The following ARSB variants were observed in gnomAD, a reference collection of about 807,000 sequenced individuals.
The protein encoded by ARSB is arylsulfatase B, also known as N-acetylgalactosamine-4-sulfatase.
Under a neutral mutation model 50.9 loss-of-function variants are expected in ARSB, and 41 were observed. The ratio of observed to expected loss-of-function variants is 0.81; its 90% CI spans 0.63 to 1.04. The LOEUF is 1.04. Ranked by LOEUF, ARSB falls within the 50% of genes least tolerant of loss-of-function variation. The pLI is 0.00. For synonymous variants in ARSB, 269 were observed against 284.8 expected, an observed-to-expected ratio of 0.94 and a Z score of 0.56; for missense variants, 672 against 693.3, an observed-to-expected ratio of 0.97 and a Z score of 0.35.
At chr5:78,952,176 T>C (rs533410706) in intron 4 of ARSB, among the ~76,000 whole-genome samples, 2 of 146,484 alleles carry the variant, frequency 1.4e-5, no homozygotes, top group East Asian at 3.9e-4. Context: ...TGAATAAATA[T>C]AGATGTTTAT....
At chr5:78,936,634 G>A (rs1386201657) in intron 4 of ARSB, among the ~76,000 whole-genome samples, 1 of 152,150 alleles carries the variant, frequency 6.6e-6, no homozygotes, top group African/African-American at 2.4e-5. Context: ...AAGCCTGCAG[G>A]TCTCACTGGT....
At chr5:78,984,860 C>T (rs1178879895) in intron 1 of ARSB, 77 bp downstream of exon 1, 14 of 1,176,722 alleles carry the variant, frequency 1.2e-5, no homozygotes, top group African/African-American at 1.6e-5. Context: ...CCCGCGGCCT[C>T]AAGGGCCGGG....
intron 5 of ARSB, among the ~76,000 whole-genome samples, chr5:78,866,337 A>G (rs1260492146): frequency 6.6e-6 from 1 of 152,138 alleles, no homozygotes; most frequent in Non-Finnish European, 1.5e-5. Context: ...AGATCTTGTG[A>G]GCCCTATTCA....
intron 6 of ARSB, among the ~76,000 whole-genome samples, chr5:78,797,802 G>T (rs1236605075): frequency 6.6e-6 from 1 of 152,162 alleles, no homozygotes; most frequent in Non-Finnish European, 1.5e-5. Flanking sequence ...TGGGTGCCTT[G>T]TCTCCACTTC....
chr5:78,936,405 C>T (rs188552880), intron 4 of ARSB, among the ~76,000 whole-genome samples: 12 of 150,256 alleles, frequency 8.0e-5, no homozygotes, highest in African/African-American at 2.7e-4. Context: ...ATTACAGGTG[C>T]GAGCCACTGT....
At chr5:78,931,353 G>C (rs1044955673) in intron 4 of ARSB, among the ~76,000 whole-genome samples, 1 of 151,924 alleles carries the variant, frequency 6.6e-6, no homozygotes, top group East Asian at 1.9e-4. Context: ...TGATAATACT[G>C]GTGCCCCCTT....
Position 78,780,029 on chromosome 5 carries a change from C to T in ARSB, c.*368G>A. 3.4e-6 allele frequency: 1 copy of T among 295,734 alleles called. No homozygotes were observed. Among genetic ancestry groups the T allele is most frequent in the South Asian group, 3.6e-5 (1 of 27,652 alleles). The allele number at this position is 295,734 out of a possible 1,614,324, so 18.3% of individuals were successfully genotyped here. ...AGAAATGTGATTCACTCCAATAAAA[C>T]TGGCTATTGGCAGAGGGGAATCGAA... On this transcript the variant is annotated 3_prime_UTR_variant, in exon 8 of 8. Coordinates refer to ENST00000264914, the MANE Select transcript of ARSB (RefSeq NM_000046.5).
chr5:78,834,037 A>T (rs950485392), intron 6 of ARSB, among the ~76,000 whole-genome samples: 5 of 152,216 alleles, frequency 3.3e-5, no homozygotes, highest in African/African-American at 1.2e-4. Context: ...GTAAGACAAT[A>T]AAACAATGAC....
At chr5:78,795,754 A>G (rs891632580) in intron 6 of ARSB, among the ~76,000 whole-genome samples, 7 of 152,250 alleles carry the variant, frequency 4.6e-5, no homozygotes, top group Admixed American at 4.6e-4. Context: ...CAGGGGACAA[A>G]TTAAAATGCT....
rs530700145 is a variant in ARSB at position 78,973,009 on chromosome 5, C to G, written c.313-3817G>C. Among the ~76,000 whole-genome samples the G allele has an allele frequency of 5.3e-5, 8 of 152,324 alleles. No homozygotes were observed. In the East Asian group the frequency reaches 1.2e-3, roughly 22 times the overall value. On this transcript the variant is annotated intron_variant, in intron 1 of 7. Coordinates refer to ENST00000264914, the MANE Select transcript of ARSB (RefSeq NM_000046.5). ...TGTTTTCGGTCTGTTCAAACACTAT[C>G]TGAAGGAAGGAAGCTGTAATGTGTA...
chr5:78,826,783 A>G (rs1288433075), intron 6 of ARSB, among the ~76,000 whole-genome samples: 2 of 152,206 alleles, frequency 1.3e-5, no homozygotes, highest in African/African-American at 4.8e-5. Context: ...TGCTGTGAAA[A>G]CAGTATGATA....
At chr5:78,823,249 T>C (rs1404045556) in intron 6 of ARSB, among the ~76,000 whole-genome samples, 1 of 152,204 alleles carries the variant, frequency 6.6e-6, no homozygotes, top group East Asian at 1.9e-4. Context: ...CTGGGCAAGA[T>C]GCTCTGTGTC....
chr5:78,922,095 C>T (rs886930938), intron 4 of ARSB, among the ~76,000 whole-genome samples: 6 of 151,802 alleles, frequency 4.0e-5, no homozygotes, highest in Non-Finnish European at 8.8e-5. Flanking sequence ...ACCATGGGCT[C>T]AAGTGCTCTG....
chr5:78,865,291 G>C (rs1018693454), intron 5 of ARSB, among the ~76,000 whole-genome samples: 3 of 152,202 alleles, frequency 2.0e-5, no homozygotes, highest in Non-Finnish European at 4.4e-5. Flanking sequence ...GCACTGGCAG[G>C]CTCAACACCA....
intron 6 of ARSB, among the ~76,000 whole-genome samples, chr5:78,788,623 T>TA (rs1749162006): frequency 6.6e-6 from 1 of 152,188 alleles, no homozygotes; most frequent in Non-Finnish European, 1.5e-5. Flanking sequence ...GATAAGGTCT[T>TA]ACACTGTTGC....
chr5:78,800,131 A>C (rs1407785276), intron 6 of ARSB, among the ~76,000 whole-genome samples: 1 of 152,114 alleles, frequency 6.6e-6, no homozygotes, highest in Admixed American at 6.6e-5. Flanking sequence ...TAGCCTGGCC[A>C]ACATGGTAAA....
At chr5:78,821,151 C>T (rs13190257) in intron 6 of ARSB, among the ~76,000 whole-genome samples, 40,730 of 151,906 alleles carry the variant, frequency 0.27, 5,634 homozygotes, top group East Asian at 0.35. Flanking sequence ...ATTTATTTAT[C>T]TGAGACGGAG....
At chr5:78,820,447 C>T (rs916453492) in intron 6 of ARSB, among the ~76,000 whole-genome samples, 7 of 151,892 alleles carry the variant, frequency 4.6e-5, no homozygotes, top group African/African-American at 1.7e-4. Context: ...TATAGTCCCA[C>T]CTACTCGGGA....
At chr5:78,890,385 G>A (rs1384814925) in intron 4 of ARSB, among the ~76,000 whole-genome samples, 1 of 151,736 alleles carries the variant, frequency 6.6e-6, no homozygotes, top group East Asian at 1.9e-4. Flanking sequence ...CAAGTAGCTG[G>A]GACTACAAGT....
Sources: allele counts gnomAD v4.1 joint callset (sites outside exome capture counted in the v4.1 genomes callset), GRCh38; gene constraint gnomAD v4.1.1; transcripts MANE v1.5; gene names NCBI Gene and HGNC (gene_info 2026-07-23, HGNC 2026-07-21).